Variants in AP3S1 observed in about 807,000 individuals in gnomAD.
AP3S1 encodes AP-3 complex subunit sigma-1.
In AP3S1, 12 loss-of-function variants were observed where a neutral mutation model predicts 21.3. The observed-to-expected ratio is 0.56, with a 90% CI of 0.36 to 0.91. AP3S1 has a LOEUF of 0.91. AP3S1 is among the 40% of genes least tolerant of loss of function. The pLI, the probability that AP3S1 is intolerant of heterozygous loss-of-function variation, is 0.01. For missense variants in AP3S1, 116 were observed against 225.0 expected, an observed-to-expected ratio of 0.52 and a Z score of 3.10; for synonymous variants, 48 against 78.4, an observed-to-expected ratio of 0.61 and a Z score of 2.05.
At chr5:115,864,359 G>A (rs1763444076) in intron 1 of AP3S1, among the ~76,000 whole-genome samples, 1 of 152,158 alleles carries the variant, frequency 6.6e-6, no homozygotes, top group South Asian at 2.1e-4. Flanking sequence ...AACCCCATGA[G>A]TTCAACACCA....
chr5:115,885,149 A>G (rs1414976974), intron 3 of AP3S1, among the ~76,000 whole-genome samples: 1 of 152,192 alleles, frequency 6.6e-6, no homozygotes, highest in East Asian at 1.9e-4. Flanking sequence ...GACAACATTA[A>G]TGACTTTCCA....
At chr5:115,888,723 G>A (rs866983616) in intron 3 of AP3S1, among the ~76,000 whole-genome samples, 99 of 152,058 alleles carry the variant, frequency 6.5e-4, no homozygotes, top group African/African-American at 2.3e-3. Flanking sequence ...GTTGTGGCAT[G>A]TAGTTATCTT....
chr5:115,902,886 T>C lies in AP3S1; in HGVS notation c.347T>C (p.Val116Ala). ...ELDLIFHVDK[V>A]HNILAEMVMG... ...TATATATTCTTTTATTCCCTTTAGG[T>C]TCACAATATTCTTGCAGAAATGGTG... is the stretch of plus-strand genomic sequence containing the variant. The change falls in exon 5 of 6, where the codon GTT becomes GCT. Residue 116 changes from valine to alanine, a missense_variant and splice_region_variant. Val to Ala is a moderately conservative substitution (Grantham distance 64). Coordinates refer to ENST00000316788, the MANE Select transcript of AP3S1 (RefSeq NM_001284.4). The C allele has an allele frequency of 6.2e-7, 1 of 1,611,272 alleles. No homozygotes were observed. Among genetic ancestry groups the C allele is most frequent in the Non-Finnish European group, 8.5e-7 (1 of 1,178,794 alleles).
intron 1 of AP3S1, among the ~76,000 whole-genome samples, chr5:115,855,919 G>A (rs1762770300): frequency 6.6e-6 from 1 of 151,190 alleles, no homozygotes; most frequent in African/African-American, 2.5e-5. Context: ...AAAGTTGCCT[G>A]TGTGATATAT....
chr5:115,889,946 C>T (rs1750140731), intron 3 of AP3S1, among the ~76,000 whole-genome samples: 1 of 152,146 alleles, frequency 6.6e-6, no homozygotes, highest in Admixed American at 6.5e-5. Flanking sequence ...TTAATACCAT[C>T]ATATACCACC....
chr5:115,906,648 G>C (rs1239662457), intron 5 of AP3S1, among the ~76,000 whole-genome samples: 1 of 152,100 alleles, frequency 6.6e-6, no homozygotes, highest in Non-Finnish European at 1.5e-5. Flanking sequence ...GGACTCCCTG[G>C]GGGTGGAGGT....
At chr5:115,895,552 G>C (rs1750689101) in intron 4 of AP3S1, among the ~76,000 whole-genome samples, 1 of 152,122 alleles carries the variant, frequency 6.6e-6, no homozygotes, top group South Asian at 2.1e-4. Flanking sequence ...ATAAAATATA[G>C]GCCTTTTTGT....
chr5:115,879,637 A>G lies in AP3S1; in HGVS notation c.273+9509A>G, dbSNP rs567244740. Among the ~76,000 whole-genome samples the G allele has an allele frequency of 5.3e-5, 8 of 152,318 alleles. No individual in the cohort carries two copies. The South Asian group carries it at 1.7e-3, about 32-fold the overall frequency. ...GAGGATTTTCGCATCAATGTTCATCAGGGTTATTGGCCTAAAATTCTCTCT... is the reference window on the plus strand; with the variant it reads ...GAGGATTTTCGCATCAATGTTCATCGGGGTTATTGGCCTAAAATTCTCTCT... On this transcript the variant is annotated intron_variant, in intron 3 of 5. Transcript: ENST00000316788.
chr5:115,849,465 G>C (rs535907386), intron 1 of AP3S1, among the ~76,000 whole-genome samples: 212 of 152,326 alleles, frequency 1.4e-3, no homozygotes, highest in African/African-American at 4.8e-3. Context: ...AAGAAGGCAA[G>C]CTGAGAAATC....
At chr5:115,897,068 T>C (rs1425151202) in intron 4 of AP3S1, among the ~76,000 whole-genome samples, 1 of 152,216 alleles carries the variant, frequency 6.6e-6, no homozygotes, top group Non-Finnish European at 1.5e-5. Flanking sequence ...TATGCATTCA[T>C]TTTAGAAAAA....
chr5:115,857,570 G>A (rs1762887728), intron 1 of AP3S1, among the ~76,000 whole-genome samples: 1 of 152,164 alleles, frequency 6.6e-6, no homozygotes, highest in Non-Finnish European at 1.5e-5. Flanking sequence ...ATTGGTTAAA[G>A]AATCTAATAG....
intron 1 of AP3S1, among the ~76,000 whole-genome samples, chr5:115,856,883 A>C (rs1455428318): frequency 6.6e-6 from 1 of 152,218 alleles, no homozygotes; most frequent in East Asian, 1.9e-4. Context: ...GTCACCATGC[A>C]GTTCAGTAGA....
intron 4 of AP3S1, among the ~76,000 whole-genome samples, chr5:115,897,952 GAA>G (rs1237722842): frequency 2.0e-5 from 3 of 152,176 alleles, no homozygotes; most frequent in African/African-American, 7.2e-5. Flanking sequence ...GATGAAAAGA[GAA>G]AGTTGTAGAG....
rs1554065851 is a variant in AP3S1, at chr5:115,861,860, C to CCT, written c.70-4810_70-4809insCT. Among the ~76,000 whole-genome samples, 1,046 of 119,972 alleles carry CCT rather than the reference C, an allele frequency of 8.7e-3. 6 individuals carry two copies. The highest frequency in any genetic ancestry group is 0.013 in the Non-Finnish European group (740 of 58,770). The allele number at this position is 119,972 out of a possible 152,430, so 78.7% of individuals were successfully genotyped here. A position where few individuals can be genotyped will look rare whatever the true frequency, so the allele number is the denominator to read the frequency against. ...CTGAACCAGGCCAAAATTTTCTTTT[C>CCT]TTTTCTTTTTTTTTTTTTTTTTTTG... On this transcript the variant is annotated intron_variant, in intron 1 of 5. Coordinates refer to ENST00000316788, the MANE Select transcript of AP3S1 (RefSeq NM_001284.4).
chr5:115,866,177 G>A (rs575894545), intron 1 of AP3S1, among the ~76,000 whole-genome samples: 104 of 152,220 alleles, frequency 6.8e-4, no homozygotes, highest in Middle Eastern at 3.4e-3. Context: ...GCTTTAGATC[G>A]GCTTATATAA....
At chr5:115,882,061 G>A (rs761457399) in intron 3 of AP3S1, among the ~76,000 whole-genome samples, 4 of 151,796 alleles carry the variant, frequency 2.6e-5, no homozygotes, top group East Asian at 2.0e-4. Flanking sequence ...GGTCATTTAT[G>A]TTCCTCTCTA....
At chr5:115,864,981 G>C (rs1763502764) in intron 1 of AP3S1, among the ~76,000 whole-genome samples, 1 of 152,008 alleles carries the variant, frequency 6.6e-6, no homozygotes. Flanking sequence ...GCAGACAGTG[G>C]AACAAGGATT....
chr5:115,856,958 C>T (rs746233568), intron 1 of AP3S1, among the ~76,000 whole-genome samples: 13 of 152,156 alleles, frequency 8.5e-5, no homozygotes, highest in African/African-American at 1.7e-4. Flanking sequence ...TTTTTGCTTT[C>T]CCCGTTCCTC....
chr5:115,907,353 T>A (rs544100919), intron 5 of AP3S1, among the ~76,000 whole-genome samples: 2 of 152,142 alleles, frequency 1.3e-5, no homozygotes, highest in Non-Finnish European at 2.9e-5. Context: ...GAGTTTTGCA[T>A]ACAAAATGGG....
Sources: gnomAD v4.1 joint callset for allele counts (sites outside exome capture counted in the v4.1 genomes callset) on GRCh38, gnomAD v4.1.1 for gene constraint, MANE v1.5 for transcripts, NCBI Gene and HGNC (gene_info 2026-07-23, HGNC 2026-07-21) for gene names.